Variants in PRKAG2 observed in about 807,000 individuals in gnomAD.
The protein encoded by PRKAG2 is 5'-AMP-activated protein kinase subunit gamma-2.
A neutral mutation model predicts 69.6 loss-of-function variants in PRKAG2; 26 were observed. The observed-to-expected ratio is 0.37, with a 90% CI of 0.27 to 0.52. PRKAG2 has a LOEUF of 0.52. PRKAG2 is among the 20% of genes least tolerant of loss of function. The pLI, the probability that PRKAG2 is intolerant of heterozygous loss-of-function variation, is 0.90. For synonymous variants in PRKAG2, 293 were observed against 285.0 expected (o/e 1.03, Z -0.28); for missense variants, 557 against 740.0 (o/e 0.75, Z 2.87).
rs566203866 is a variant in PRKAG2 at position 151,716,365 on chromosome 7, A to C, written c.467-40728T>G. ...CATCGGGTGAAAATGCTTTGTGTTC[A>C]AGCCCCCTTTGTGACCCTGGGCACC... On this transcript the variant is annotated intron_variant, in intron 3 of 15. Transcript: ENST00000287878. 8.5e-5 allele frequency among the ~76,000 whole-genome samples: 13 copies of C among 152,266 alleles called. No homozygotes were observed. The South Asian group carries it at 2.1e-3, about 24-fold the overall frequency.
intron 4 of PRKAG2, among the ~76,000 whole-genome samples, chr7:151,661,586 CCT>C (rs1830329799): frequency 6.6e-6 from 1 of 152,126 alleles, no homozygotes; most frequent in Non-Finnish European, 1.5e-5. Context: ...ATAAAATATA[CCT>C]CTGTCTGTAA....
chr7:151,579,259 T>C (rs1202636576), intron 6 of PRKAG2, among the ~76,000 whole-genome samples: 1 of 152,236 alleles, frequency 6.6e-6, no homozygotes, highest in African/African-American at 2.4e-5. Context: ...TGGGCTTAAG[T>C]GATCCTCCTG....
intron 4 of PRKAG2, among the ~76,000 whole-genome samples, chr7:151,664,634 A>C (rs1250519915): frequency 6.6e-6 from 1 of 152,248 alleles, no homozygotes; most frequent in Non-Finnish European, 1.5e-5. Flanking sequence ...TAGACAAGAA[A>C]TACACATATT....
intron 5 of PRKAG2, among the ~76,000 whole-genome samples, chr7:151,624,866 CAAATAGAAATGCCTT>C (rs1342585514): frequency 6.6e-6 from 1 of 152,200 alleles, no homozygotes; most frequent in Non-Finnish European, 1.5e-5. Context: ...TCCAATGCCT[CAAATAGAAATGCCTT>C]ATGTCTTTGT....
At chr7:151,824,544 AC>A (rs1158538078) in intron 1 of PRKAG2, among the ~76,000 whole-genome samples, 5 of 151,594 alleles carry the variant, frequency 3.3e-5, no homozygotes, top group Non-Finnish European at 7.4e-5. Context: ...TATCCCCACT[AC>A]CCCCACCACA....
At chr7:151,786,400 G>A (rs1217836265) in intron 2 of PRKAG2, 70 bp downstream of exon 2, 2 of 1,427,310 alleles carry the variant, frequency 1.4e-6, no homozygotes, top group Non-Finnish European at 1.9e-6. Flanking sequence ...GGTGGAAGTG[G>A]GCTCAGGCTC....
chr7:151,869,451 G>A (rs1453506307), intron 1 of PRKAG2, among the ~76,000 whole-genome samples: 1 of 152,202 alleles, frequency 6.6e-6, no homozygotes, highest in Non-Finnish European at 1.5e-5. Context: ...ATGTAATGAT[G>A]AACAGGCTTT....
At chr7:151,744,037 G>A (rs2074097507) in intron 3 of PRKAG2, among the ~76,000 whole-genome samples, 1 of 152,196 alleles carries the variant, frequency 6.6e-6, no homozygotes, top group South Asian at 2.1e-4. Flanking sequence ...GAGAGGTCAG[G>A]GGAACTGCAG....
rs763092113 is a variant in PRKAG2, at chr7:151,781,182, C to G, written c.436G>C (p.Gly146Arg). 6.2e-7 allele frequency: 1 copy of G among 1,614,016 alleles called. No individual in the cohort carries two copies. The highest frequency in any genetic ancestry group is 1.3e-5 in the African/African-American group (1 of 75,044). The change falls in exon 3 of 16, where the codon GGC becomes CGC. Residue 146 changes from glycine (G) to arginine (R), a missense_variant. Physicochemically the swap from Gly to Arg is moderately radical, Grantham distance 125. Coordinates refer to ENST00000287878, the MANE Select transcript of PRKAG2 (RefSeq NM_016203.4). This position sits in a 1 kb window ranked among gnomAD's most constrained non-coding sequence, Gnocchi z 6.1. ...CTGGAGCGGGAGAAAAACCTGATGC[C>G]CCCGGGCGAGGTAGCAGGGTTGGAG... is the stretch of plus-strand genomic sequence containing the variant. ...PNSNPATSPGGIRFFSRSRKT... is the reference protein window; with the variant it reads ...PNSNPATSPGRIRFFSRSRKT...
rs1806848503 is a variant in PRKAG2 at position 151,568,703 on chromosome 7, A to G, written c.1233+13T>C. On this transcript the variant is annotated intron_variant, in intron 11 of 15. Transcript: ENST00000287878. ...ATGCAATTATGTCTTTAGAAACGCT[A>G]AAAACTACTTACAAAAAGCTGGAGG... is the stretch of plus-strand genomic sequence containing the variant. 1 of 1,613,156 alleles carries G rather than the reference A, an allele frequency of 6.2e-7. No individual in the cohort carries two copies. Among genetic ancestry groups the G allele is most frequent in the Non-Finnish European group, 8.5e-7 (1 of 1,179,292 alleles).
At chr7:151,733,628 A>C (rs1004245316) in intron 3 of PRKAG2, among the ~76,000 whole-genome samples, 1 of 152,072 alleles carries the variant, frequency 6.6e-6, no homozygotes, top group African/African-American at 2.4e-5. Context: ...AGACCGTGTT[A>C]GTGAGTCTCC....
At chr7:151,566,503 T>C in intron 11 of PRKAG2, 1 of 393,582 alleles carries the variant, frequency 2.5e-6, no homozygotes, top group East Asian at 7.2e-5. Flanking sequence ...AGGAGGGATA[T>C]GGCAGGAGAG....
At chr7:151,763,978 G>A (rs543632294) in intron 3 of PRKAG2, among the ~76,000 whole-genome samples, 84 of 152,364 alleles carry the variant, frequency 5.5e-4, no homozygotes, top group Middle Eastern at 6.8e-3. Context: ...AGGAGTTGGT[G>A]TCTAAAAGGG....
chr7:151,743,580 A>G (rs2074050604), intron 3 of PRKAG2, among the ~76,000 whole-genome samples: 1 of 152,208 alleles, frequency 6.6e-6, no homozygotes, highest in Non-Finnish European at 1.5e-5. Context: ...AGCATGCTTC[A>G]TTGTTTTCTG....
At chr7:151,577,555 CTGA>C (rs2151049372) in intron 6 of PRKAG2, among the ~76,000 whole-genome samples, 1 of 152,310 alleles carries the variant, frequency 6.6e-6, no homozygotes, top group South Asian at 2.1e-4. Context: ...GCACCAAACA[CTGA>C]GAAAATATTT....
intron 1 of PRKAG2, among the ~76,000 whole-genome samples, chr7:151,841,113 G>A: frequency 6.6e-6 from 1 of 152,168 alleles, no homozygotes; most frequent in Non-Finnish European, 1.5e-5. Flanking sequence ...CCTGCCTCCT[G>A]AGTAGCTGGG....
intron 3 of PRKAG2, among the ~76,000 whole-genome samples, chr7:151,720,312 T>A (rs1796844117): frequency 6.6e-6 from 1 of 151,750 alleles, no homozygotes; most frequent in Non-Finnish European, 1.5e-5. Flanking sequence ...CGCGTTTGAG[T>A]TTCTGTTACT....
intron 14 of PRKAG2, 35 bp downstream of exon 14, chr7:151,564,043 A>AC (rs1368594080): frequency 1.9e-6 from 3 of 1,613,396 alleles, no homozygotes; most frequent in East Asian, 4.5e-5. Context: ...GTTGCAGTGG[A>AC]CGTCGGGGGA....
intron 1 of PRKAG2, among the ~76,000 whole-genome samples, chr7:151,873,961 T>TATGTATATGTATATGTATATG (rs2080281650): frequency 1.3e-5 from 2 of 148,540 alleles, no homozygotes; most frequent in African/African-American, 5.1e-5. Context: ...GTCTGATGTA[T>TATGTATATGTATATGTATATG]ATGTATATGT....
Sources: allele counts gnomAD v4.1 joint callset (sites outside exome capture counted in the v4.1 genomes callset), GRCh38; gene constraint gnomAD v4.1.1; non-coding constraint Gnocchi (gnomAD v3.1); transcripts MANE v1.5; gene names NCBI Gene and HGNC (gene_info 2026-07-23, HGNC 2026-07-21).